Variants in CACNA1D observed in about 807,000 individuals in gnomAD.
CACNA1D encodes calcium voltage-gated channel subunit alpha1 D.
Under a neutral mutation model 257.1 loss-of-function variants are expected in CACNA1D, and 55 were observed. The observed-to-expected ratio is 0.21, with a 90% CI of 0.17 to 0.27. CACNA1D has a LOEUF of 0.27. CACNA1D is among the 10% of genes least tolerant of loss of function. The probability of loss-of-function intolerance (pLI) is 1.00; values close to 1 mark genes in which losing one functional copy is unlikely to be tolerated. For missense variants in CACNA1D, 1,876 were observed against 2,784.0 expected (o/e 0.67, Z 7.34); for synonymous variants, 980 against 1,014.9 (o/e 0.97, Z 0.65).
intron 9 of CACNA1D, among the ~76,000 whole-genome samples, chr3:53,712,525 C>T (rs1383489275): frequency 1.3e-5 from 2 of 152,220 alleles, no homozygotes; most frequent in Admixed American, 6.5e-5. Flanking sequence ...TGTGTCTCTA[C>T]TAGCATGTGC....
intron 3 of CACNA1D, among the ~76,000 whole-genome samples, chr3:53,525,049 A>G (rs2091713188): frequency 6.6e-6 from 1 of 152,010 alleles, no homozygotes; most frequent in Non-Finnish European, 1.5e-5. Context: ...TCCTTCATGT[A>G]TGTGTGTTTG....
chr3:53,495,877 GC>G lies in CACNA1D; in HGVS notation c.67+647del, dbSNP rs1028814938. The stretch of plus-strand genomic sequence containing the variant: ...TGTGGGGCTCCCCTCCCCAGCTCTG[GC>G]CCGGGCACCACGTGCAGCTTCCACG... On this transcript the variant is annotated intron_variant, in intron 1 of 47. Coordinates refer to ENST00000350061, the MANE Select transcript of CACNA1D (RefSeq NM_001128840.3). The surrounding 1 kb of genome is among the most constrained non-coding windows in gnomAD (Gnocchi z 5.1). Among the ~76,000 whole-genome samples the G allele has an allele frequency of 7.9e-5, 12 of 152,336 alleles. No individual in the cohort carries two copies. Among genetic ancestry groups the G allele is most frequent in the African/African-American group, 2.9e-4 (12 of 41,574 alleles).
At chr3:53,654,949 A>T (rs2094134365) in intron 4 of CACNA1D, among the ~76,000 whole-genome samples, 1 of 152,228 alleles carries the variant, frequency 6.6e-6, no homozygotes, top group Non-Finnish European at 1.5e-5. Flanking sequence ...GCAAGTTGCT[A>T]GATTTAAACC....
chr3:53,578,107 G>T (rs2093068938), intron 3 of CACNA1D, among the ~76,000 whole-genome samples: 1 of 152,138 alleles, frequency 6.6e-6, no homozygotes, highest in African/African-American at 2.4e-5. Flanking sequence ...CCTTTCCTGG[G>T]GTGTCTGTGG....
intron 21 of CACNA1D, among the ~76,000 whole-genome samples, chr3:53,741,845 C>T (rs1245833509): frequency 1.3e-5 from 2 of 152,206 alleles, no homozygotes; most frequent in East Asian, 1.9e-4. Flanking sequence ...TTACTCTCCA[C>T]ATTTTTTAGT....
chr3:53,607,155 A>G (rs2093521136), intron 3 of CACNA1D, among the ~76,000 whole-genome samples: 1 of 152,226 alleles, frequency 6.6e-6, no homozygotes, highest in Non-Finnish European at 1.5e-5. Flanking sequence ...GTACACACAT[A>G]TATGCTTTTA....
chr3:53,677,809 A>G (rs11711045), intron 8 of CACNA1D, among the ~76,000 whole-genome samples: 47,651 of 152,154 alleles, frequency 0.31, 7,627 homozygotes, highest in African/African-American at 0.39. Flanking sequence ...TTAGAATCAG[A>G]CAACCAAGTC....
intron 2 of CACNA1D, among the ~76,000 whole-genome samples, chr3:53,501,359 G>A (rs967600745): frequency 3.9e-5 from 6 of 152,140 alleles, no homozygotes; most frequent in Admixed American, 6.5e-5. Context: ...GTGTGCAGCC[G>A]AAGAATGAGT....
intron 3 of CACNA1D, among the ~76,000 whole-genome samples, chr3:53,577,412 C>T (rs1192702209): frequency 2.0e-5 from 3 of 152,284 alleles, no homozygotes; most frequent in South Asian, 2.1e-4. Flanking sequence ...GAAATAGCCA[C>T]TGGCAGCCCT....
At chr3:53,799,604 A>C (rs2095525622) in intron 40 of CACNA1D, among the ~76,000 whole-genome samples, 1 of 152,236 alleles carries the variant, frequency 6.6e-6, no homozygotes, top group African/African-American at 2.4e-5. Context: ...CTCAGCCTGC[A>C]CACAGGCTAC....
chr3:53,574,615 G>A (rs1217067143), intron 3 of CACNA1D, among the ~76,000 whole-genome samples: 16 of 152,060 alleles, frequency 1.1e-4, no homozygotes, highest in East Asian at 1.9e-4. Flanking sequence ...CGAGCACTTC[G>A]CCATCACAGG....
chr3:53,722,490 A>T lies in CACNA1D; in HGVS notation c.1666+16A>T. The T allele has an allele frequency of 6.2e-7, 1 of 1,613,822 alleles. No individual in the cohort carries two copies. The highest frequency in any genetic ancestry group is 8.5e-7 in the Non-Finnish European group (1 of 1,179,704). On this transcript the variant is annotated intron_variant, in intron 12 of 47. Transcript: ENST00000350061. ...CAGATTCAAGGTACAAGCAGAGGCC[A>T]TTCCTTTTTTGTTCTGAACTAGAGA...
chr3:53,649,991 T>C (rs527625262), intron 3 of CACNA1D, among the ~76,000 whole-genome samples: 1 of 152,344 alleles, frequency 6.6e-6, no homozygotes, highest in South Asian at 2.1e-4. Context: ...GGAAAGGTTC[T>C]ACGAGTCATT....
chr3:53,795,607 A>G (rs1007221474), intron 40 of CACNA1D, among the ~76,000 whole-genome samples: 1 of 152,376 alleles, frequency 6.6e-6, no homozygotes, highest in Admixed American at 6.5e-5. Flanking sequence ...AATGACTGGT[A>G]TAAAGATGCT....
Position 53,789,476 on chromosome 3 carries a change from A to G in CACNA1D, c.4923+2524A>G, listed in dbSNP as rs1463789639. Among the ~76,000 whole-genome samples the G allele has an allele frequency of 6.6e-6, 1 of 152,228 alleles. No homozygotes were observed. The highest frequency in any genetic ancestry group is 1.9e-4 in the East Asian group (1 of 5,202). On this transcript the variant is annotated intron_variant, in intron 40 of 47. Transcript: ENST00000350061. This position sits in a 1 kb window ranked among gnomAD's most constrained non-coding sequence, Gnocchi z 4.2. ...ATGAGTAGGCTTTCGTTTCTGCGTG[A>G]TGAAATACCGGGTGACGATGTAGCA...
chr3:53,539,887 C>T (rs1241153876), intron 3 of CACNA1D, among the ~76,000 whole-genome samples: 1 of 152,162 alleles, frequency 6.6e-6, no homozygotes, highest in East Asian at 1.9e-4. Flanking sequence ...GACTTTTCTC[C>T]TTTATGACAT....
intron 3 of CACNA1D, among the ~76,000 whole-genome samples, chr3:53,576,261 A>G (rs2093036416): frequency 6.6e-6 from 1 of 152,224 alleles, no homozygotes; most frequent in Non-Finnish European, 1.5e-5. Context: ...AAAAATGCCA[A>G]GAATCTCCTA....
intron 23 of CACNA1D, 87 bp downstream of exon 23, chr3:53,744,914 C>A (rs989679879): frequency 2.2e-5 from 17 of 789,598 alleles, no homozygotes; most frequent in Non-Finnish European, 3.9e-5. Flanking sequence ...TGAGCTGAGG[C>A]CTGATGGATT....
intron 3 of CACNA1D, among the ~76,000 whole-genome samples, chr3:53,589,285 C>T (rs1422929595): frequency 1.3e-5 from 2 of 152,128 alleles, no homozygotes; most frequent in Non-Finnish European, 2.9e-5. Context: ...AAATGTGGGC[C>T]TTTAGCGAGC....
Sources: gnomAD v4.1 joint callset for allele counts (sites outside exome capture counted in the v4.1 genomes callset) on GRCh38, gnomAD v4.1.1 for gene constraint, Gnocchi (gnomAD v3.1) non-coding constraint, MANE v1.5 for transcripts, NCBI Gene and HGNC (gene_info 2026-07-23, HGNC 2026-07-21) for gene names.